The following PRKN variants were observed in gnomAD, a reference collection of about 807,000 sequenced individuals.
PRKN encodes E3 ubiquitin-protein ligase parkin.
Under a neutral mutation model 59.5 loss-of-function variants are expected in PRKN, and 56 were observed. The ratio of observed to expected loss-of-function variants is 0.94; its 90% CI spans 0.76 to 1.18. PRKN has a LOEUF of 1.18. Ranked by LOEUF, PRKN falls within the 50% of genes most tolerant of loss-of-function variation. The probability of loss-of-function intolerance (pLI) is 0.00; values close to 1 mark genes in which losing one functional copy is unlikely to be tolerated. For missense variants in PRKN, 657 were observed against 596.4 expected (o/e 1.10, Z -1.06); for synonymous variants, 250 against 222.1 (o/e 1.13, Z -1.12).
At position 161,567,980 on chromosome 6, in the gene PRKN, A is replaced by G. The variant is rs948423230; in HGVS notation, c.933+1375T>C. ...GAGTCAGTTGTCAACTTTTACCTGC[A>G]ATACGGGATAACTGATTTCACTTGT... On this transcript the variant is annotated intron_variant, in intron 8 of 11. Coordinates refer to ENST00000366898, the MANE Select transcript of PRKN (RefSeq NM_004562.3). Among the ~76,000 whole-genome samples the G allele has an allele frequency of 8.5e-5, 13 of 152,336 alleles. No individual in the cohort carries two copies. The East Asian group carries it at 1.5e-3, about 18-fold the overall frequency.
intron 5 of PRKN, among the ~76,000 whole-genome samples, chr6:162,001,847 CTT>C (rs35789599): frequency 0.095 from 11,125 of 116,590 alleles, 506 homozygotes; most frequent in Middle Eastern, 0.18. Flanking sequence ...TTGCAAATAG[CTT>C]TTTTTTTTTT....
chr6:162,394,772 G>A (rs1038393588), intron 2 of PRKN, among the ~76,000 whole-genome samples: 1 of 152,194 alleles, frequency 6.6e-6, no homozygotes, highest in Admixed American at 6.5e-5. Context: ...CTGTACCCAA[G>A]AAGTAGAGCT....
chr6:162,252,164 G>A lies in PRKN; in HGVS notation c.412+10361C>T, dbSNP rs577191079. On this transcript the variant is annotated intron_variant, in intron 3 of 11. Coordinates refer to ENST00000366898, the MANE Select transcript of PRKN (RefSeq NM_004562.3). ...AACATGCTGACTCTTATCTTTTAGAGCTGTCACACATTGAATTTTAATGTT... is the reference window on the plus strand; with the variant it reads ...AACATGCTGACTCTTATCTTTTAGAACTGTCACACATTGAATTTTAATGTT... Among the ~76,000 whole-genome samples the A allele has an allele frequency of 6.6e-4, 101 of 152,308 alleles. 1 individual carries two copies. Among genetic ancestry groups the A allele is most frequent in the African/African-American group, 2.0e-3 (83 of 41,570 alleles).
chr6:162,651,692 A>G (rs955895440), intron 1 of PRKN, among the ~76,000 whole-genome samples: 5 of 152,222 alleles, frequency 3.3e-5, no homozygotes, highest in Non-Finnish European at 7.3e-5. Flanking sequence ...GAAGGAAAAA[A>G]GCAGGCTTCT....
At chr6:161,984,671 AAGCTTTGACCTTAGGC>A (rs558882190) in intron 5 of PRKN, among the ~76,000 whole-genome samples, 86 of 152,256 alleles carry the variant, frequency 5.6e-4, no homozygotes, top group Non-Finnish European at 1.0e-3. Context: ...ATCTTGGAGA[AAGCTTTGACCTTAGGC>A]GTTGTCCCCT....
chr6:161,682,799 G>T (rs949742089), intron 7 of PRKN, among the ~76,000 whole-genome samples: 1 of 152,148 alleles, frequency 6.6e-6, no homozygotes, highest in African/African-American at 2.4e-5. Flanking sequence ...GCCACAGCAT[G>T]AAGAACCATC....
intron 2 of PRKN, among the ~76,000 whole-genome samples, chr6:162,313,107 G>T (rs1782597213): frequency 6.6e-6 from 1 of 151,952 alleles, no homozygotes; most frequent in African/African-American, 2.4e-5. Flanking sequence ...TTTTTAAATT[G>T]TGGTAAAGTA....
At chr6:161,889,442 G>A (rs976947932) in intron 6 of PRKN, among the ~76,000 whole-genome samples, 10 of 152,138 alleles carry the variant, frequency 6.6e-5, no homozygotes, top group Admixed American at 2.0e-4. Flanking sequence ...GATGAACAAC[G>A]GGCGCACAGC....
Position 161,494,605 on chromosome 6 carries a change from G to A in PRKN, c.1083+54249C>T, listed in dbSNP as rs1391847593. On this transcript the variant is annotated intron_variant, in intron 9 of 11. Coordinates refer to ENST00000366898, the MANE Select transcript of PRKN (RefSeq NM_004562.3). ...GAATTTCTAGTTTCTTCATCGACTG[G>A]TTCCTTCATTCAGTAACAAAACTGA... Among the ~76,000 whole-genome samples, 7 of 152,306 alleles carry A rather than the reference G, an allele frequency of 4.6e-5. No homozygotes were observed. The East Asian group carries it at 1.2e-3, about 25-fold the overall frequency.
chr6:161,556,133 A>G (rs1780229751), intron 8 of PRKN, among the ~76,000 whole-genome samples: 1 of 152,202 alleles, frequency 6.6e-6, no homozygotes, highest in South Asian at 2.1e-4. Flanking sequence ...ATATTGATGG[A>G]ATTTTAAAAA....
chr6:161,779,435 C>CTTTCCTTTTTTTTTTTTTTTTTTTTTT (rs1234367519), intron 7 of PRKN, among the ~76,000 whole-genome samples: 4 of 40,430 alleles, frequency 9.9e-5, no homozygotes, highest in Admixed American at 7.6e-4. Context: ...TTTTTCTTTT[C>CTTTCCTTTTTTTTTTTTTTTTTTTTTT]TTTTCTTTTT....
intron 7 of PRKN, among the ~76,000 whole-genome samples, chr6:161,755,239 A>G (rs894718941): frequency 4.6e-5 from 7 of 152,038 alleles, no homozygotes; most frequent in African/African-American, 1.7e-4. Flanking sequence ...GATTCTTTTT[A>G]TCATCCATAC....
intron 1 of PRKN, among the ~76,000 whole-genome samples, chr6:162,649,171 T>C (rs1218706121): frequency 6.6e-6 from 1 of 152,170 alleles, no homozygotes; most frequent in Non-Finnish European, 1.5e-5. Flanking sequence ...GTCAATATAA[T>C]AATCAACAAG....
intron 5 of PRKN, among the ~76,000 whole-genome samples, chr6:162,023,338 T>C (rs1454698215): frequency 1.3e-5 from 2 of 152,180 alleles, no homozygotes; most frequent in Non-Finnish European, 2.9e-5. Context: ...TGCCTTGGTG[T>C]ACCAGAAGAA....
Position 162,554,519 on chromosome 6 carries a change from A to T in PRKN, c.8-111046T>A, listed in dbSNP as rs373893933. On this transcript the variant is annotated intron_variant, in intron 1 of 11. Coordinates refer to ENST00000366898, the MANE Select transcript of PRKN (RefSeq NM_004562.3). ...CTCCATCTCTAAATAAATAAATAAA[A>T]AAGAAAAGAAAACGGACAGAATTTG... 5.3e-5 allele frequency among the ~76,000 whole-genome samples: 8 copies of T among 152,116 alleles called. 1 individual carries two copies. The East Asian group carries it at 5.8e-4, about 11-fold the overall frequency.
intron 9 of PRKN, among the ~76,000 whole-genome samples, chr6:161,515,882 T>G (rs1778568575): frequency 6.6e-6 from 1 of 152,158 alleles, no homozygotes; most frequent in Non-Finnish European, 1.5e-5. Context: ...AGCTAATGGC[T>G]TTTCACACAT....
intron 6 of PRKN, among the ~76,000 whole-genome samples, chr6:161,858,857 A>ATTTTTTTT (rs1491531194): frequency 1.8e-5 from 1 of 55,962 alleles, no homozygotes; most frequent in African/African-American, 5.8e-5. Context: ...GCACAGCTGT[A>ATTTTTTTT]CTTTTTTTTT....
intron 6 of PRKN, among the ~76,000 whole-genome samples, chr6:161,844,334 A>C (rs1168305804): frequency 6.6e-6 from 1 of 152,222 alleles, no homozygotes; most frequent in Non-Finnish European, 1.5e-5. Flanking sequence ...TGGGAGTAGA[A>C]TAGTTTGCCT....
chr6:161,587,875 C>A (rs866257520), intron 7 of PRKN, among the ~76,000 whole-genome samples: 1 of 151,986 alleles, frequency 6.6e-6, no homozygotes, highest in South Asian at 2.1e-4. Flanking sequence ...AGTAACATCA[C>A]CTCTTAAGAT....
Sources: allele counts gnomAD v4.1 joint callset (sites outside exome capture counted in the v4.1 genomes callset), GRCh38; gene constraint gnomAD v4.1.1; transcripts MANE v1.5; gene names NCBI Gene and HGNC (gene_info 2026-07-23, HGNC 2026-07-21).